Variants in TNRC18 observed in about 807,000 individuals in gnomAD.
TNRC18 encodes the protein trinucleotide repeat-containing gene 18 protein.
In TNRC18, 69 loss-of-function variants were observed where a neutral mutation model predicts 226.7. That is an observed-to-expected ratio of 0.30 (90% CI 0.25 to 0.37). The LOEUF (loss-of-function observed/expected upper bound fraction) is 0.37, where lower values mean the gene tolerates loss of function less well. Ranked by LOEUF, TNRC18 falls within the 10% of genes least tolerant of loss-of-function variation. The pLI, the probability that TNRC18 is intolerant of heterozygous loss-of-function variation, is 1.00. For synonymous variants in TNRC18, 2,449 were observed against 1,927.6 expected (o/e 1.27, Z -7.09); for missense variants, 4,754 against 4,256.6 (o/e 1.12, Z -3.25).
chr7:5,388,915 C>G lies in TNRC18; in HGVS notation c.909G>C (p.Gly303=). ...CCTGCCGGGCAGCCTCCTTGGCACC[C>G]CCGCGCCCCGCTTCGGCCACCAGCG... ...LPALVAEAGR[G]GAKEAARQDE... The change falls in exon 5 of 30, where the codon GGG becomes GGC. Residue 303 remains glycine, a synonymous_variant. Coordinates refer to ENST00000430969, the MANE Select transcript of TNRC18 (RefSeq NM_001080495.3). 7.3e-7 allele frequency: 1 copy of G among 1,368,138 alleles called. No homozygotes were observed. The highest frequency in any genetic ancestry group is 9.5e-7 in the Non-Finnish European group (1 of 1,057,112). 84.7% of individuals were successfully genotyped at this position (1,368,138 alleles called of 1,614,324 possible). A position where few individuals can be genotyped will look rare whatever the true frequency, so the allele number is the denominator to read the frequency against.
chr7:5,349,009 T>G (rs901113139), intron 17 of TNRC18, among the ~76,000 whole-genome samples: 1 of 152,098 alleles, frequency 6.6e-6, no homozygotes, highest in Non-Finnish European at 1.5e-5. Context: ...AGGCCAGGGA[T>G]CTTCCCTTCT....
intron 2 of TNRC18, among the ~76,000 whole-genome samples, chr7:5,399,726 C>G (rs751352229): frequency 4.6e-5 from 7 of 151,734 alleles, no homozygotes; most frequent in African/African-American, 1.2e-4. Context: ...ACAAAAAAAC[C>G]TAAAACACAC....
Position 5,388,609 on chromosome 7 carries a change from G to A in TNRC18, c.1215C>T (p.Gly405=), listed in dbSNP as rs1467029267. 7.0e-6 allele frequency: 9 copies of A among 1,292,778 alleles called. No homozygotes were observed. The highest frequency in any genetic ancestry group is 8.8e-6 in the Non-Finnish European group (9 of 1,020,176). The allele number at this position is 1,292,778 out of a possible 1,614,324, so 80.1% of individuals were successfully genotyped here. The change falls in exon 5 of 30, where the codon GGC becomes GGT. Residue 405 remains glycine (G), a synonymous_variant. Transcript: ENST00000430969. Reference sequence around the variant, plus strand: ...GGGGCGCCTGCAGGACCCCTGGCCTGCCAGCCTCGCGCTCGCGGGCCCGGG... The same window carrying A: ...GGGGCGCCTGCAGGACCCCTGGCCTACCAGCCTCGCGCTCGCGGGCCCGGG... ...RDARAREREA[G]RPGVLQAPPG...
intron 11 of TNRC18, among the ~76,000 whole-genome samples, chr7:5,366,073 AATG>A (rs1454548098): frequency 6.6e-6 from 1 of 152,070 alleles, no homozygotes; most frequent in African/African-American, 2.4e-5. Flanking sequence ...AGACATGACT[AATG>A]ATGCTGCTGA....
chr7:5,376,284 TACGAGGGGAAGCTGAAGCCAGAG>T, intron 8 of TNRC18, 60 bp from the exon 9 acceptor site: 1 of 1,346,074 alleles, frequency 7.4e-7, no homozygotes, highest in African/African-American at 1.5e-5. Context: ...CCATGCCCAT[TACGAGGGGAAGCTGAAGCCAGAG>T]AGGGGCCACA....
intron 1 of TNRC18, among the ~76,000 whole-genome samples, chr7:5,421,917 C>G (rs1782610488): frequency 6.6e-6 from 1 of 152,262 alleles, no homozygotes; most frequent in South Asian, 2.1e-4. Context: ...TCCCAAAACA[C>G]TCTGGCACTA....
chr7:5,385,121 A>G (rs561817088), intron 5 of TNRC18, among the ~76,000 whole-genome samples: 1 of 152,358 alleles, frequency 6.6e-6, no homozygotes, highest in Non-Finnish European at 1.5e-5. Flanking sequence ...GGAAGTGGGA[A>G]GGGCACTGCA....
Position 5,361,635 on chromosome 7 carries a change from C to G in TNRC18, c.4620G>C (p.Ser1540=). The stretch of plus-strand genomic sequence containing the variant: ...CGCTCTTCCCTCTCTTGCGGGGGGG[C>G]GACAGGGCGCTCGGGGCGTGGGTCC... ...RKRTHAPSAL[S]PPRKRGKSGH... is the part of the protein sequence containing the mutation. The change falls in exon 14 of 30, where the codon TCG becomes TCC. Residue 1540 remains serine (S), a synonymous_variant. Coordinates refer to ENST00000430969, the MANE Select transcript of TNRC18 (RefSeq NM_001080495.3). The G allele has an allele frequency of 6.5e-7, 1 of 1,547,666 alleles. No individual in the cohort carries two copies. The highest frequency in any genetic ancestry group is 8.7e-7 in the Non-Finnish European group (1 of 1,147,908).
intron 14 of TNRC18, among the ~76,000 whole-genome samples, chr7:5,360,830 TGAG>T (rs1283950110): frequency 6.6e-6 from 1 of 152,176 alleles, no homozygotes; most frequent in Admixed American, 6.5e-5. Flanking sequence ...TGTTTTATCC[TGAG>T]AAGAACTGTG....
chr7:5,324,052 C>T lies in TNRC18; in HGVS notation c.6442+162G>A, dbSNP rs556499011. Among the ~76,000 whole-genome samples, 18 of 152,348 alleles carry T rather than the reference C, an allele frequency of 1.2e-4. No individual in the cohort carries two copies. In the South Asian group the frequency reaches 3.7e-3, roughly 32 times the overall value. On this transcript the variant is annotated intron_variant, in intron 21 of 29. Coordinates refer to ENST00000430969, the MANE Select transcript of TNRC18 (RefSeq NM_001080495.3). The surrounding 1 kb of genome is among the most constrained non-coding windows in gnomAD (Gnocchi z 4.8). ...GTTGACTAAGCTGCAGCCAGTCCAG[C>T]CTTCTCATCGACCCGGATAACTCAG...
In TNRC18 at chr7:5,370,967, G is replaced by C; in HGVS notation, c.3627C>G (p.Thr1209=). ...GLLEAQALSA[T]GQSCAEPSEC... ...CAGAGGGCTCTGCGCAGCTCTGCCC[G>C]GTGGCACTCAGCGCCTGGGCCTCCA... The change falls in exon 11 of 30, where the codon ACC becomes ACG. Residue 1209 remains threonine (T), a synonymous_variant. Coordinates refer to ENST00000430969, the MANE Select transcript of TNRC18 (RefSeq NM_001080495.3). The C allele has an allele frequency of 6.2e-7, 1 of 1,605,672 alleles. No individual in the cohort carries two copies. Among genetic ancestry groups the C allele is most frequent in the Non-Finnish European group, 8.5e-7 (1 of 1,179,724 alleles).
At chr7:5,396,753 AG>A (rs1780717153) in intron 2 of TNRC18, among the ~76,000 whole-genome samples, 1 of 152,050 alleles carries the variant, frequency 6.6e-6, no homozygotes, top group African/African-American at 2.4e-5. Flanking sequence ...CACTGTTTAC[AG>A]GGGGCATGGA....
intron 15 of TNRC18, 81 bp downstream of exon 15, chr7:5,359,317 C>A: frequency 6.9e-7 from 1 of 1,451,506 alleles, no homozygotes. Context: ...AAAGGGCCTG[C>A]GAAGGGAGCG....
At chr7:5,332,528 G>A in intron 19 of TNRC18, 94 bp downstream of exon 19, 2 of 1,378,176 alleles carry the variant, frequency 1.5e-6, no homozygotes, top group Non-Finnish European at 1.9e-6. Context: ...TATTAACAGT[G>A]AAGCCGCTTC....
chr7:5,376,303 CAG>C, intron 8 of TNRC18, 79 bp from the exon 9 acceptor site: 2 of 1,231,820 alleles, frequency 1.6e-6, no homozygotes, highest in Non-Finnish European at 2.2e-6. Context: ...AAGCTGAAGC[CAG>C]AGAGGGGCCA....
chr7:5,331,512 A>T (rs1309785267), intron 19 of TNRC18, among the ~76,000 whole-genome samples: 1 of 152,232 alleles, frequency 6.6e-6, no homozygotes, highest in African/African-American at 2.4e-5. Flanking sequence ...CACAAACCAC[A>T]AAAGTACCAG....
At position 5,394,994 on chromosome 7, in the gene TNRC18, C is replaced by G. The variant is rs977837898; in HGVS notation, c.188-399G>C. 6.6e-6 allele frequency among the ~76,000 whole-genome samples: 1 copy of G among 152,192 alleles called. No homozygotes were observed. The highest frequency in any genetic ancestry group is 6.5e-5 in the Admixed American group (1 of 15,276). ...ACTGGGACTTCCAGAGGCCACAGGG[C>G]AAGGCGGTGGGGGACTTACAGGCGG... is the stretch of plus-strand genomic sequence containing the variant. On this transcript the variant is annotated intron_variant, in intron 2 of 29. Transcript: ENST00000430969. This position sits in a 1 kb window ranked among gnomAD's most constrained non-coding sequence, Gnocchi z 4.5.
At chr7:5,325,422 T>TG in intron 19 of TNRC18, 174 bp from the exon 20 acceptor site, 2 of 663,622 alleles carry the variant, frequency 3.0e-6, no homozygotes, top group Non-Finnish European at 2.4e-6. Flanking sequence ...TTTTGGGTTT[T>TG]TTTTTGTTTT....
At chr7:5,356,204 C>T (rs1388613001) in intron 16 of TNRC18, among the ~76,000 whole-genome samples, 4 of 150,896 alleles carry the variant, frequency 2.7e-5, no homozygotes, top group Admixed American at 6.6e-5. Context: ...TAGTGGGACA[C>T]AGCCATGATG....
Sources: allele counts gnomAD v4.1 joint callset (sites outside exome capture counted in the v4.1 genomes callset), GRCh38; gene constraint gnomAD v4.1.1; non-coding constraint Gnocchi (gnomAD v3.1); transcripts MANE v1.5; gene names NCBI Gene and HGNC (gene_info 2026-07-23, HGNC 2026-07-21).